CPNE4: variants seen among roughly 807,000 people sequenced by gnomAD.
The protein encoded by CPNE4 is copine 4, also known as copine-4.
In CPNE4, 25 loss-of-function variants were observed where a neutral mutation model predicts 67.9. The observed-to-expected ratio is 0.37, with a 90% confidence interval of 0.27 to 0.51. The LOEUF is 0.51. CPNE4 is among the 20% of genes least tolerant of loss of function. The pLI is 0.93. For synonymous variants in CPNE4, 242 were observed against 244.9 expected (o/e 0.99, Z 0.11); for missense variants, 464 against 690.8 (o/e 0.67, Z 3.68).
intron 2 of CPNE4, among the ~76,000 whole-genome samples, chr3:131,751,503 A>C (rs1016483318): frequency 6.7e-6 from 1 of 150,034 alleles, no homozygotes; most frequent in South Asian, 2.1e-4. Flanking sequence ...GTTCTTTTTT[A>C]TACTTCTATT....
intron 1 of CPNE4, among the ~76,000 whole-genome samples, chr3:131,923,076 T>C (rs2107812529): frequency 6.6e-6 from 1 of 152,320 alleles, no homozygotes; most frequent in East Asian, 1.9e-4. Context: ...TCATTGAACA[T>C]GTGGGACTCT....
intron 1 of CPNE4, among the ~76,000 whole-genome samples, chr3:132,005,583 A>G (rs1409019542): frequency 6.6e-6 from 1 of 151,686 alleles, no homozygotes; most frequent in African/African-American, 2.4e-5. Context: ...TTTACTAAGG[A>G]CCTACCACAG....
chr3:131,832,238 T>C (rs939175665), intron 2 of CPNE4, among the ~76,000 whole-genome samples: 2 of 152,198 alleles, frequency 1.3e-5, no homozygotes, highest in Non-Finnish European at 2.9e-5. Context: ...TCCTAATCCT[T>C]AATTTGATGA....
chr3:131,755,217 G>A (rs1364910421), intron 2 of CPNE4, among the ~76,000 whole-genome samples: 2 of 145,386 alleles, frequency 1.4e-5, no homozygotes, highest in Non-Finnish European at 3.0e-5. Context: ...TTTTTTGCTA[G>A]ATACATTGTG....
At chr3:131,648,438 T>C (rs1250670386) in intron 7 of CPNE4, among the ~76,000 whole-genome samples, 1 of 152,166 alleles carries the variant, frequency 6.6e-6, no homozygotes, top group Non-Finnish European at 1.5e-5. Flanking sequence ...GCCTTCCCCA[T>C]TACACTTTGA....
chr3:131,690,319 T>C (rs1215612715), intron 5 of CPNE4, among the ~76,000 whole-genome samples: 1 of 152,160 alleles, frequency 6.6e-6, no homozygotes, highest in African/African-American at 2.4e-5. Flanking sequence ...CAAAGAAGCA[T>C]GGTACTGGGA....
At chr3:131,801,415 C>CGTGTGTATGTGTGTGT (rs1491403261) in intron 2 of CPNE4, among the ~76,000 whole-genome samples, 1 of 66,078 alleles carries the variant, frequency 1.5e-5, no homozygotes, top group Non-Finnish European at 2.7e-5. Flanking sequence ...TACATATATA[C>CGTGTGTATGTGTGTGT]GTGTGTGTGT....
At chr3:131,720,929 G>C (rs2107741578) in intron 3 of CPNE4, among the ~76,000 whole-genome samples, 1 of 152,244 alleles carries the variant, frequency 6.6e-6, no homozygotes, top group Non-Finnish European at 1.5e-5. Context: ...GTTCCCATCT[G>C]CTTAGAATGT....
intron 2 of CPNE4, among the ~76,000 whole-genome samples, chr3:131,731,647 T>A (rs186668715): frequency 6.6e-6 from 1 of 152,314 alleles, no homozygotes; most frequent in Non-Finnish European, 1.5e-5. Flanking sequence ...TTTGTCACTG[T>A]CCTAGTGCTG....
intron 13 of CPNE4, among the ~76,000 whole-genome samples, chr3:131,550,380 A>G (rs1936105944): frequency 2.0e-5 from 3 of 152,138 alleles, no homozygotes; most frequent in African/African-American, 7.2e-5. Context: ...TAGATGTTAT[A>G]CCCATTTTAT....
chr3:131,810,012 G>A (rs2084462432), intron 2 of CPNE4, among the ~76,000 whole-genome samples: 1 of 151,950 alleles, frequency 6.6e-6, no homozygotes, highest in Admixed American at 6.6e-5. Context: ...ATCAAGAAGA[G>A]GAGGACGAGG....
At chr3:131,644,907 A>G (rs1420721196) in intron 7 of CPNE4, among the ~76,000 whole-genome samples, 2 of 152,238 alleles carry the variant, frequency 1.3e-5, no homozygotes, top group Non-Finnish European at 2.9e-5. Context: ...CCAACTGTAG[A>G]TAATTTAATT....
At chr3:131,647,596 G>A (rs2107617916) in intron 7 of CPNE4, among the ~76,000 whole-genome samples, 1 of 152,302 alleles carries the variant, frequency 6.6e-6, no homozygotes, top group Non-Finnish European at 1.5e-5. Context: ...GAGGAGGTTT[G>A]ATTTTTAGCA....
At chr3:132,007,008 G>A (rs2073626755) in intron 1 of CPNE4, among the ~76,000 whole-genome samples, 1 of 152,168 alleles carries the variant, frequency 6.6e-6, no homozygotes, top group African/African-American at 2.4e-5. Context: ...AATGACAGCT[G>A]CTCATTTCTG....
chr3:131,590,164 A>G (rs956686196), intron 7 of CPNE4, among the ~76,000 whole-genome samples: 4 of 152,174 alleles, frequency 2.6e-5, no homozygotes, highest in Non-Finnish European at 5.9e-5. Flanking sequence ...TCTGCTACCC[A>G]TAACATCATT....
chr3:131,536,778 C>G (rs186093005), intron 15 of CPNE4, among the ~76,000 whole-genome samples: 3 of 152,150 alleles, frequency 2.0e-5, no homozygotes, highest in Non-Finnish European at 4.4e-5. Flanking sequence ...TTATAAATAA[C>G]TGCTCAGGGT....
chr3:131,543,431 G>T (rs1935636646), intron 14 of CPNE4, among the ~76,000 whole-genome samples: 1 of 152,124 alleles, frequency 6.6e-6, no homozygotes, highest in Non-Finnish European at 1.5e-5. Flanking sequence ...TGTCAGTGAG[G>T]TAGTTATTAA....
chr3:131,665,568 G>T (rs1209742864), intron 7 of CPNE4, among the ~76,000 whole-genome samples: 1 of 151,868 alleles, frequency 6.6e-6, no homozygotes, highest in Non-Finnish European at 1.5e-5. Context: ...CCAAGGCAGG[G>T]AAATCACTTG....
chr3:131,629,923 CCT>C (rs1176181908), intron 7 of CPNE4, among the ~76,000 whole-genome samples: 2 of 148,586 alleles, frequency 1.3e-5, no homozygotes, highest in Non-Finnish European at 2.9e-5. Context: ...TCTCTCTCCC[CCT>C]CTTTCCTTCT....
Sources: allele counts gnomAD v4.1 joint callset (sites outside exome capture counted in the v4.1 genomes callset), GRCh38; gene constraint gnomAD v4.1.1; transcripts MANE v1.5; gene names NCBI Gene and HGNC (gene_info 2026-07-23, HGNC 2026-07-21).